The following CD247 variants were observed in gnomAD, a reference collection of about 807,000 sequenced individuals.
CD247 encodes T-cell surface glycoprotein CD3 zeta chain.
In CD247, 13 loss-of-function variants were observed where a neutral mutation model predicts 30.0. The observed-to-expected ratio is 0.43, with a 90% CI of 0.28 to 0.69. The LOEUF is 0.69. Among genes scored for constraint, CD247 ranks in the 30% least tolerant of loss-of-function variants. The probability of loss-of-function intolerance (pLI) is 0.16; values close to 1 mark genes in which losing one functional copy is unlikely to be tolerated. For missense variants in CD247, 193 were observed against 212.6 expected, an observed-to-expected ratio of 0.91 and a Z score of 0.57; for synonymous variants, 72 against 80.0, an observed-to-expected ratio of 0.90 and a Z score of 0.53.
chr1:167,431,745 C>T lies in CD247; in HGVS notation c.431G>A (p.Gly144Asp). The change falls in exon 8 of 8, where the codon GGT becomes GAT. Residue 144 changes from glycine (G) to aspartate (D), a missense_variant and splice_region_variant. Coordinates refer to ENST00000362089, the MANE Select transcript of CD247 (RefSeq NM_198053.3). Reference protein sequence around the residue: ...RGKGHDGLYQGLSTATKDTYD... With the variant: ...RGKGHDGLYQDLSTATKDTYD... ...GGTGTCCTTGGTGGCTGTACTGAGA[C>T]CCTGGCGTGAAAGCAAATCAGAAAA... 1 of 1,613,846 alleles carries T rather than the reference C, an allele frequency of 6.2e-7. No individual in the cohort carries two copies. Among genetic ancestry groups the T allele is most frequent in the Non-Finnish European group, 8.5e-7 (1 of 1,179,886 alleles).
intron 1 of CD247, chr1:167,458,665 GTTT>G (rs766661886): frequency 9.6e-6 from 1 of 104,260 alleles, no homozygotes; most frequent in Non-Finnish European, 2.1e-5. Flanking sequence ...ATGGGCATCT[GTTT>G]TTTTCTTTCT....
Position 167,430,726 on chromosome 1 carries a change from A to G in CD247, c.*955T>C. 1 of 398,714 alleles carries G rather than the reference A, an allele frequency of 2.5e-6. No individual in the cohort carries two copies. The highest frequency in any genetic ancestry group is 3.6e-5 in the East Asian group (1 of 28,088). 24.7% of individuals were successfully genotyped at this position (398,714 alleles called of 1,614,324 possible). ...TAAAACAGTAGAAAAAAAGCAGAGT[A>G]GAGAGCGTTTTCCATCCATGGCCTG... On this transcript the variant is annotated 3_prime_UTR_variant, in exon 8 of 8. Transcript: ENST00000362089.
chr1:167,468,531 C>T (rs955641272), intron 1 of CD247, among the ~76,000 whole-genome samples: 1 of 152,130 alleles, frequency 6.6e-6, no homozygotes, highest in African/African-American at 2.4e-5. Context: ...CAGTTTAATT[C>T]GAAGACTCCT....
chr1:167,493,926 AC>A (rs1485048830), intron 1 of CD247, among the ~76,000 whole-genome samples: 1 of 151,576 alleles, frequency 6.6e-6, no homozygotes, highest in Non-Finnish European at 1.5e-5. Context: ...ATCAGCAAAA[AC>A]CCCACTGGAG....
At chr1:167,487,473 C>T (rs1009756942) in intron 1 of CD247, among the ~76,000 whole-genome samples, 42 of 152,220 alleles carry the variant, frequency 2.8e-4, no homozygotes, top group Non-Finnish European at 5.3e-4. Context: ...CATCCCTGGA[C>T]CCACACTGCC....
At chr1:167,472,740 A>G (rs1653582829) in intron 1 of CD247, among the ~76,000 whole-genome samples, 1 of 152,158 alleles carries the variant, frequency 6.6e-6, no homozygotes, top group East Asian at 1.9e-4. Context: ...GAAGCGCTCT[A>G]AATATGCAGA....
intron 5 of CD247, chr1:167,434,601 C>T: frequency 2.7e-6 from 1 of 365,532 alleles, no homozygotes; most frequent in Non-Finnish European, 5.4e-6. Flanking sequence ...GTTGACCTTC[C>T]TATAGGGGGG....
chr1:167,517,541 C>G (rs1344992213), intron 1 of CD247, among the ~76,000 whole-genome samples: 1 of 152,226 alleles, frequency 6.6e-6, no homozygotes, highest in African/African-American at 2.4e-5. Context: ...AGGCTTGCAG[C>G]AAAGCTGGGC....
intron 1 of CD247, among the ~76,000 whole-genome samples, chr1:167,471,516 G>A (rs1019265688): frequency 6.6e-6 from 1 of 152,202 alleles, no homozygotes; most frequent in African/African-American, 2.4e-5. Context: ...TTGAATAGTA[G>A]CAATGTTGAA....
chr1:167,478,603 T>C (rs1235948214), intron 1 of CD247, among the ~76,000 whole-genome samples: 1 of 152,198 alleles, frequency 6.6e-6, no homozygotes, highest in African/African-American at 2.4e-5. Context: ...ACGCAGAGTC[T>C]GGAGTCAGAC....
intron 1 of CD247, among the ~76,000 whole-genome samples, chr1:167,470,947 C>A (rs1404144245): frequency 3.3e-5 from 5 of 150,692 alleles, no homozygotes; most frequent in Admixed American, 1.3e-4. Context: ...TCTCGGCTCA[C>A]TGCAACCTCC....
chr1:167,441,608 T>C (rs1332884596), intron 1 of CD247, among the ~76,000 whole-genome samples: 2 of 152,228 alleles, frequency 1.3e-5, no homozygotes, highest in African/African-American at 2.4e-5. Context: ...ACCCTACTAT[T>C]TGGTAACATT....
intron 1 of CD247, among the ~76,000 whole-genome samples, chr1:167,512,281 CT>C (rs1655418261): frequency 6.6e-6 from 1 of 152,112 alleles, no homozygotes; most frequent in Non-Finnish European, 1.5e-5. Flanking sequence ...ACAGCAGAGG[CT>C]CCCACTTAGA....
intron 1 of CD247, chr1:167,458,669 T>TTTC (rs1553231414): frequency 5.5e-5 from 7 of 126,828 alleles, no homozygotes; most frequent in Admixed American, 8.5e-5. Flanking sequence ...GCATCTGTTT[T>TTTC]TTTCTTTCTT....
At chr1:167,435,572 C>T in intron 4 of CD247, 138 bp from the exon 5 acceptor site, 4 of 754,320 alleles carry the variant, frequency 5.3e-6, no homozygotes, top group South Asian at 4.3e-5. Context: ...TGTGCTACCC[C>T]AGCCTTGCCT....
chr1:167,452,741 A>G (rs1028327354), intron 1 of CD247, among the ~76,000 whole-genome samples: 2 of 152,058 alleles, frequency 1.3e-5, no homozygotes, highest in Admixed American at 6.6e-5. Context: ...GGAGTAAACA[A>G]TGACAGGCAA....
chr1:167,465,429 A>C (rs986652944), intron 1 of CD247, among the ~76,000 whole-genome samples: 1 of 150,012 alleles, frequency 6.7e-6, no homozygotes, highest in African/African-American at 2.5e-5. Flanking sequence ...CCCAGGTTCA[A>C]GCGATTCTCC....
intron 1 of CD247, among the ~76,000 whole-genome samples, chr1:167,472,483 A>G (rs962433669): frequency 1.3e-5 from 2 of 152,218 alleles, no homozygotes; most frequent in African/African-American, 4.8e-5. Context: ...CGGGAAAGCA[A>G]GTCTAGCAAA....
chr1:167,507,282 C>T lies in CD247; in HGVS notation c.58+11126G>A, dbSNP rs1655184553. 2.0e-5 allele frequency among the ~76,000 whole-genome samples: 3 copies of T among 151,468 alleles called. 1 individual carries two copies. In the South Asian group the frequency reaches 6.3e-4, roughly 32 times the overall value. On this transcript the variant is annotated intron_variant, in intron 1 of 7. Coordinates refer to ENST00000362089, the MANE Select transcript of CD247 (RefSeq NM_198053.3). ...GGTGATTGGAGAGAGAGATGATGAC[C>T]CAGGGTCAAAGTTGGTAGAGAAAGA... is the stretch of plus-strand genomic sequence containing the variant.
Sources: allele counts gnomAD v4.1 joint callset (sites outside exome capture counted in the v4.1 genomes callset), GRCh38; gene constraint gnomAD v4.1.1; transcripts MANE v1.5; gene names NCBI Gene and HGNC (gene_info 2026-07-23, HGNC 2026-07-21).